Variants in FOCAD observed in about 807,000 individuals in gnomAD.
FOCAD encodes focadhesin.
Under a neutral mutation model 225.6 loss-of-function variants are expected in FOCAD, and 198 were observed. That is an observed-to-expected ratio of 0.88 (90% confidence interval 0.78 to 0.99). The LOEUF (loss-of-function observed/expected upper bound fraction) is 0.99, where lower values mean the gene tolerates loss of function less well. FOCAD is among the 50% of genes least tolerant of loss of function. The pLI, the probability that FOCAD is intolerant of heterozygous loss-of-function variation, is 0.00. For missense variants in FOCAD, 2,713 were observed against 2,123.6 expected, an observed-to-expected ratio of 1.28 and a Z score of -5.46; for synonymous variants, 897 against 755.0, an observed-to-expected ratio of 1.19 and a Z score of -3.08.
At chr9:20,936,058 G>A (rs1290806156) in intron 28 of FOCAD, among the ~76,000 whole-genome samples, 1 of 152,186 alleles carries the variant, frequency 6.6e-6, no homozygotes, top group African/African-American at 2.4e-5. Context: ...TATATGGTAT[G>A]GTTTTGTTAG....
At chr9:20,796,817 C>T (rs10811402) in intron 11 of FOCAD, among the ~76,000 whole-genome samples, 132,803 of 150,958 alleles carry the variant, frequency 0.88, 58,548 homozygotes, top group African/African-American at 0.93. Context: ...CTCTTTAGTT[C>T]AATTAGATCC....
intron 1 of FOCAD, among the ~76,000 whole-genome samples, chr9:20,711,813 C>T (rs1013248679): frequency 1.3e-5 from 2 of 152,142 alleles, no homozygotes; most frequent in Non-Finnish European, 2.9e-5. Flanking sequence ...CGACTGATAG[C>T]TGTGGGAGAG....
chr9:20,756,537 C>T (rs2130881029), intron 5 of FOCAD, among the ~76,000 whole-genome samples: 1 of 152,288 alleles, frequency 6.6e-6, no homozygotes, highest in East Asian at 1.9e-4. Context: ...GGACAAACTT[C>T]ATTCCTAGCA....
chr9:20,934,764 A>G (rs565330557), intron 28 of FOCAD, among the ~76,000 whole-genome samples: 1 of 152,276 alleles, frequency 6.6e-6, no homozygotes, highest in African/African-American at 2.4e-5. Context: ...AGAATTCAGC[A>G]AAGTTTCTGG....
At chr9:20,814,918 A>T in intron 11 of FOCAD, among the ~76,000 whole-genome samples, 1 of 151,960 alleles carries the variant, frequency 6.6e-6, no homozygotes, top group East Asian at 1.9e-4. Flanking sequence ...ATTAAAAGTG[A>T]TTCACGCACC....
chr9:20,883,226 C>A (rs1294525683), intron 20 of FOCAD, among the ~76,000 whole-genome samples: 2 of 152,070 alleles, frequency 1.3e-5, no homozygotes, highest in African/African-American at 4.8e-5. Context: ...TTCTAACTGG[C>A]CTACATGAAA....
At chr9:20,714,760 A>G (rs893969951) in intron 1 of FOCAD, among the ~76,000 whole-genome samples, 1 of 151,468 alleles carries the variant, frequency 6.6e-6, no homozygotes, top group African/African-American at 2.4e-5. Flanking sequence ...GATAAGTGAG[A>G]TATAAATATT....
intron 10 of FOCAD, among the ~76,000 whole-genome samples, chr9:20,785,280 A>G (rs1467395235): frequency 2.6e-5 from 4 of 152,288 alleles, no homozygotes; most frequent in African/African-American, 4.8e-5. Context: ...AAAGCATGCA[A>G]TTCAGTGGCT....
intron 19 of FOCAD, among the ~76,000 whole-genome samples, chr9:20,879,538 T>C (rs772769680): frequency 6.6e-6 from 1 of 152,176 alleles, no homozygotes; most frequent in Non-Finnish European, 1.5e-5. Flanking sequence ...TGGCATTCCA[T>C]TGTGTGAATG....
intron 8 of FOCAD, among the ~76,000 whole-genome samples, chr9:20,770,841 G>C (rs890770045): frequency 3.3e-5 from 5 of 152,020 alleles, no homozygotes; most frequent in African/African-American, 1.2e-4. Context: ...ATACTCTTCG[G>C]ATCATCAATT....
intron 8 of FOCAD, among the ~76,000 whole-genome samples, chr9:20,773,505 G>A (rs1818442391): frequency 6.6e-6 from 1 of 152,106 alleles, no homozygotes; most frequent in Admixed American, 6.5e-5. Flanking sequence ...TCAAAACATA[G>A]AACTTTGAAA....
intron 11 of FOCAD, among the ~76,000 whole-genome samples, chr9:20,799,323 G>C (rs538369849): frequency 1.3e-5 from 2 of 152,302 alleles, no homozygotes; most frequent in Admixed American, 1.3e-4. Flanking sequence ...TGTATATTCT[G>C]TTGATTTGGG....
chr9:20,820,270 C>T (rs952306844), intron 12 of FOCAD, 54 bp from the exon 13 acceptor site: 36 of 1,355,328 alleles, frequency 2.7e-5, no homozygotes, highest in East Asian at 7.1e-5. Flanking sequence ...TTGGTAACCT[C>T]GAGGTTGTCT....
intron 2 of FOCAD, among the ~76,000 whole-genome samples, chr9:20,666,681 G>A (rs527851847): frequency 6.6e-6 from 1 of 152,280 alleles, no homozygotes; most frequent in South Asian, 2.1e-4. Flanking sequence ...CTTAACCTTA[G>A]GCAATTTAGA....
intron 26 of FOCAD, 33 bp from the exon 27 acceptor site, chr9:20,929,325 C>G: frequency 6.4e-7 from 1 of 1,567,628 alleles, no homozygotes; most frequent in Non-Finnish European, 8.8e-7. Flanking sequence ...ATGTTTAAGG[C>G]TAACCCTGTT....
Position 20,872,482 on chromosome 9 carries a change from C to T in FOCAD, c.2191-2199C>T, listed in dbSNP as rs982187136. On this transcript the variant is annotated intron_variant, in intron 18 of 43. Transcript: ENST00000338382. ...CTCTGGTGGTGGCAGTGACTTTTCC[C>T]CGACTCCCCACCCCCCCTTACTCTT... Among the ~76,000 whole-genome samples the T allele has an allele frequency of 4.6e-5, 7 of 151,064 alleles. 1 individual carries two copies. Among genetic ancestry groups the T allele is most frequent in the African/African-American group, 1.5e-4 (6 of 41,016 alleles).
chr9:20,696,156 T>G (rs749615454), intron 1 of FOCAD, among the ~76,000 whole-genome samples: 2 of 152,246 alleles, frequency 1.3e-5, no homozygotes, highest in Non-Finnish European at 2.9e-5. Context: ...TTCCCACATT[T>G]CATGTCTAAT....
At chr9:20,770,471 A>G (rs961523509) in intron 8 of FOCAD, among the ~76,000 whole-genome samples, 1 of 151,350 alleles carries the variant, frequency 6.6e-6, no homozygotes, top group Non-Finnish European at 1.5e-5. Context: ...GAGAGAGAGG[A>G]GTGGCGAGAT....
At chr9:20,708,867 A>G (rs772225442) in intron 1 of FOCAD, among the ~76,000 whole-genome samples, 1 of 152,142 alleles carries the variant, frequency 6.6e-6, no homozygotes, top group Non-Finnish European at 1.5e-5. Flanking sequence ...TTGGTAGTCA[A>G]GAGTGCTCAA....
Sources: gnomAD v4.1 joint callset for allele counts (sites outside exome capture counted in the v4.1 genomes callset) on GRCh38, gnomAD v4.1.1 for gene constraint, MANE v1.5 for transcripts, NCBI Gene and HGNC (gene_info 2026-07-23, HGNC 2026-07-21) for gene names.